Variants in GALNTL6 observed in about 807,000 individuals in gnomAD.
GALNTL6 encodes the protein polypeptide N-acetylgalactosaminyltransferase-like 6.
A neutral mutation model predicts 73.7 loss-of-function variants in GALNTL6; 46 were observed. That is an observed-to-expected ratio of 0.62 (90% CI 0.49 to 0.80). The LOEUF is 0.80. Ranked by LOEUF, GALNTL6 falls within the 30% of genes least tolerant of loss-of-function variation. The pLI is 0.00. For synonymous variants in GALNTL6, 259 were observed against 263.7 expected, an observed-to-expected ratio of 0.98 and a Z score of 0.17; for missense variants, 604 against 755.0, an observed-to-expected ratio of 0.80 and a Z score of 2.34.
At chr4:172,404,261 C>T (rs1037930699) in intron 5 of GALNTL6, among the ~76,000 whole-genome samples, 2 of 151,948 alleles carry the variant, frequency 1.3e-5, no homozygotes, top group Middle Eastern at 3.2e-3. Context: ...CCACCAGCTA[C>T]TCCCCACAGT....
intron 5 of GALNTL6, among the ~76,000 whole-genome samples, chr4:172,775,712 G>T (rs1213997543): frequency 1.3e-5 from 2 of 152,088 alleles, no homozygotes; most frequent in Non-Finnish European, 2.9e-5. Context: ...TGCAGGTAGA[G>T]CCTGTGATTT....
At chr4:172,246,149 C>T (rs1002879791) in intron 3 of GALNTL6, among the ~76,000 whole-genome samples, 4 of 152,156 alleles carry the variant, frequency 2.6e-5, no homozygotes, top group Admixed American at 6.6e-5. Context: ...CAATGGTGTA[C>T]TGATGTGAAA....
intron 8 of GALNTL6, among the ~76,000 whole-genome samples, chr4:172,924,446 T>C (rs1240119884): frequency 6.6e-6 from 1 of 152,198 alleles, no homozygotes; most frequent in Non-Finnish European, 1.5e-5. Flanking sequence ...GAGTGCTCAC[T>C]ACGTATTTGT....
intron 5 of GALNTL6, among the ~76,000 whole-genome samples, chr4:172,435,847 G>GT (rs559222015): frequency 3.6e-4 from 55 of 152,128 alleles, no homozygotes; most frequent in African/African-American, 1.3e-3. Context: ...TTTTAAACAT[G>GT]TTTTGGGAAA....
intron 2 of GALNTL6, among the ~76,000 whole-genome samples, chr4:171,925,927 T>C (rs1485271390): frequency 6.6e-6 from 1 of 152,240 alleles, no homozygotes; most frequent in East Asian, 1.9e-4. Context: ...CCAGCATTTA[T>C]GTGGCCAAAA....
intron 10 of GALNTL6, among the ~76,000 whole-genome samples, chr4:172,991,336 G>A (rs1038377328): frequency 5.9e-5 from 9 of 151,968 alleles, no homozygotes; most frequent in African/African-American, 2.2e-4. Flanking sequence ...TTGTTCAAAA[G>A]AGAAAATCCT....
intron 3 of GALNTL6, among the ~76,000 whole-genome samples, chr4:172,286,451 T>G (rs1457185704): frequency 1.3e-5 from 2 of 152,306 alleles, no homozygotes; most frequent in East Asian, 1.9e-4. Context: ...AGATAGTGTT[T>G]GGCAGAAGAA....
At chr4:172,272,405 C>T (rs1045385051) in intron 3 of GALNTL6, among the ~76,000 whole-genome samples, 7 of 152,320 alleles carry the variant, frequency 4.6e-5, no homozygotes, top group South Asian at 2.1e-4. Context: ...GATGGTATAG[C>T]GCACTACACA....
intron 2 of GALNTL6, among the ~76,000 whole-genome samples, chr4:171,927,322 TTGC>T (rs2110990144): frequency 6.6e-6 from 1 of 152,292 alleles, no homozygotes; most frequent in Non-Finnish European, 1.5e-5. Flanking sequence ...AAGAGTCAGC[TTGC>T]TACATTTTAA....
intron 5 of GALNTL6, among the ~76,000 whole-genome samples, chr4:172,430,336 T>A (rs1731397207): frequency 6.6e-6 from 1 of 151,794 alleles, no homozygotes; most frequent in Non-Finnish European, 1.5e-5. Context: ...TTGACTACAG[T>A]GAAATGACAG....
At chr4:171,886,068 T>TA (rs1736599484) in intron 2 of GALNTL6, among the ~76,000 whole-genome samples, 1 of 152,004 alleles carries the variant, frequency 6.6e-6, no homozygotes, top group Non-Finnish European at 1.5e-5. Context: ...TTTAACCACA[T>TA]AAAGTTGCTA....
chr4:172,276,791 T>C (rs1738847581), intron 3 of GALNTL6, among the ~76,000 whole-genome samples: 1 of 152,150 alleles, frequency 6.6e-6, no homozygotes, highest in Non-Finnish European at 1.5e-5. Context: ...TAGTAAGATA[T>C]TATCATGCAG....
In GALNTL6 at chr4:172,405,004, A is replaced by C. The variant is rs186329235; in HGVS notation, c.553+56315A>C. 7.8e-4 allele frequency among the ~76,000 whole-genome samples: 119 copies of C among 152,234 alleles called. 1 individual carries two copies. In the South Asian group the frequency reaches 0.016, roughly 21 times the overall value. On this transcript the variant is annotated intron_variant, in intron 5 of 12. Coordinates refer to ENST00000506823, the MANE Select transcript of GALNTL6 (RefSeq NM_001034845.3). ...GCAGGGCTACCGGTCTCTCAGTTTC[A>C]GAAGCTGCAATGATTACATCCTTCA...
rs569727771 is a variant in GALNTL6 at position 172,369,532 on chromosome 4, C to T, written c.553+20843C>T. Among the ~76,000 whole-genome samples the T allele has an allele frequency of 1.1e-3, 164 of 152,262 alleles. 1 individual carries two copies. Among genetic ancestry groups the T allele is most frequent in the Admixed American group, 4.6e-3 (70 of 15,300 alleles). On this transcript the variant is annotated intron_variant, in intron 5 of 12. Coordinates refer to ENST00000506823, the MANE Select transcript of GALNTL6 (RefSeq NM_001034845.3). Reference sequence around the variant, plus strand: ...GCGCCGCGGAGCAGGGGGTGGCACCCGTCGGGGAGGTTCAGGCTGCATGGG... The same window carrying T: ...GCGCCGCGGAGCAGGGGGTGGCACCTGTCGGGGAGGTTCAGGCTGCATGGG...
intron 5 of GALNTL6, among the ~76,000 whole-genome samples, chr4:172,390,575 G>A (rs1291905397): frequency 6.6e-6 from 1 of 152,094 alleles, no homozygotes; most frequent in Admixed American, 6.6e-5. Flanking sequence ...TTGCCCAATA[G>A]CCACTTAGTA....
intron 5 of GALNTL6, among the ~76,000 whole-genome samples, chr4:172,526,729 T>C (rs928155065): frequency 9.2e-5 from 14 of 152,160 alleles, no homozygotes; most frequent in Admixed American, 5.9e-4. Flanking sequence ...ATCGTACTTC[T>C]TAGATCCTTT....
intron 2 of GALNTL6, among the ~76,000 whole-genome samples, chr4:171,848,538 G>C (rs1174877793): frequency 6.6e-6 from 1 of 152,102 alleles, no homozygotes; most frequent in Non-Finnish European, 1.5e-5. Context: ...TGTCTATCTT[G>C]AAAATCTGTT....
chr4:172,479,635 A>G (rs1733370978), intron 5 of GALNTL6, among the ~76,000 whole-genome samples: 1 of 152,188 alleles, frequency 6.6e-6, no homozygotes, highest in South Asian at 2.1e-4. Context: ...GGGTACACTG[A>G]AACCCCAGAC....
chr4:172,528,319 A>AAAAT (rs1239544708), intron 5 of GALNTL6, among the ~76,000 whole-genome samples: 65 of 103,650 alleles, frequency 6.3e-4, no homozygotes, highest in African/African-American at 2.9e-3. Context: ...CTAGAAATAA[A>AAAAT]ATATATATAT....
Sources: allele counts gnomAD v4.1 joint callset (sites outside exome capture counted in the v4.1 genomes callset), GRCh38; gene constraint gnomAD v4.1.1; transcripts MANE v1.5; gene names NCBI Gene and HGNC (gene_info 2026-07-23, HGNC 2026-07-21).